The following ARB2A variants were observed in gnomAD, a reference collection of about 807,000 sequenced individuals.
ARB2A encodes the protein ARB2 cotranscriptional regulator A.
At chr5:93,793,055 G>A in the ARB2A span, among the ~76,000 whole-genome samples, 1 of 151,460 alleles carries the variant, frequency 6.6e-6, no homozygotes, top group African/African-American at 2.4e-5. Flanking sequence ...CATAATTAGT[G>A]GTGGCATAGC....
the ARB2A span, among the ~76,000 whole-genome samples, chr5:93,949,677 A>C: frequency 6.6e-6 from 1 of 152,006 alleles, no homozygotes; most frequent in African/African-American, 2.4e-5. Flanking sequence ...GTTCTTTTTA[A>C]ATGTACAATC....
At chr5:93,648,375 T>C in the ARB2A span, among the ~76,000 whole-genome samples, 2 of 152,128 alleles carry the variant, frequency 1.3e-5, no homozygotes. Context: ...TTTACATATC[T>C]ACCACTGAAT....
chr5:93,787,161 T>G, the ARB2A span, among the ~76,000 whole-genome samples: 1 of 152,178 alleles, frequency 6.6e-6, no homozygotes, highest in Non-Finnish European at 1.5e-5. Context: ...CTCAAAGGAA[T>G]CTTAGTCTGT....
the ARB2A span, among the ~76,000 whole-genome samples, chr5:93,773,697 C>T: frequency 6.6e-6 from 1 of 152,210 alleles, no homozygotes; most frequent in South Asian, 2.1e-4. Context: ...GCCATTTTTC[C>T]AACAGCATGT....
chr5:94,019,527 A>G, the ARB2A span, among the ~76,000 whole-genome samples: 1 of 152,242 alleles, frequency 6.6e-6, no homozygotes, highest in African/African-American at 2.4e-5. Context: ...GCCAACAAAC[A>G]TATGGAAAAA....
At chr5:93,797,833 A>G in the ARB2A span, among the ~76,000 whole-genome samples, 2 of 152,100 alleles carry the variant, frequency 1.3e-5, no homozygotes, top group Admixed American at 1.3e-4. Flanking sequence ...TTTTCAGAAA[A>G]ATTTTACTGA....
At chr5:93,943,061 G>A in the ARB2A span, among the ~76,000 whole-genome samples, 300 of 152,138 alleles carry the variant, frequency 2.0e-3, 1 homozygote, top group African/African-American at 7.0e-3. Context: ...AGAATGTTTT[G>A]TGTTATTATA....
At chr5:93,724,953 T>C in the ARB2A span, among the ~76,000 whole-genome samples, 1 of 152,004 alleles carries the variant, frequency 6.6e-6, no homozygotes, top group African/African-American at 2.4e-5. Flanking sequence ...GAGACAGCTA[T>C]TAAGTGACTA....
chr5:93,832,433 T>C, the ARB2A span, among the ~76,000 whole-genome samples: 2 of 152,170 alleles, frequency 1.3e-5, no homozygotes, highest in Non-Finnish European at 2.9e-5. Flanking sequence ...TGATGGAGTT[T>C]ACTAATTAGG....
the ARB2A span, among the ~76,000 whole-genome samples, chr5:94,057,600 A>T: frequency 1.3e-5 from 2 of 152,246 alleles, no homozygotes; most frequent in Non-Finnish European, 2.9e-5. Context: ...TTATTTTTAA[A>T]AACTGTATTA....
At chr5:93,884,002 C>T in the ARB2A span, among the ~76,000 whole-genome samples, 2 of 148,290 alleles carry the variant, frequency 1.3e-5, no homozygotes, top group African/African-American at 5.0e-5. Flanking sequence ...ATTAGCAAGA[C>T]CAAAATAGAA....
At chr5:93,816,313 A>C in the ARB2A span, among the ~76,000 whole-genome samples, 6 of 152,208 alleles carry the variant, frequency 3.9e-5, no homozygotes, top group Non-Finnish European at 8.8e-5. Flanking sequence ...TCCTTCTTAT[A>C]AAAGGCTTAC....
chr5:94,072,749 T>C, the ARB2A span, among the ~76,000 whole-genome samples: 2 of 152,162 alleles, frequency 1.3e-5, no homozygotes, highest in African/African-American at 4.8e-5. Context: ...AGTAATATTT[T>C]TAAGAAATGC....
chr5:93,744,428 C>T, the ARB2A span, among the ~76,000 whole-genome samples: 1,519 of 57,414 alleles, frequency 0.026, 17 homozygotes, highest in East Asian at 0.072. Context: ...GAGTGAGACT[C>T]AGTCTCAAAA....
the ARB2A span, among the ~76,000 whole-genome samples, chr5:93,790,350 G>C: frequency 1.8e-4 from 27 of 152,112 alleles, no homozygotes; most frequent in Admixed American, 3.3e-4. Flanking sequence ...CTCATACAGA[G>C]GAAGCTAATA....
chr5:93,775,675 G>A, the ARB2A span, among the ~76,000 whole-genome samples: 1 of 152,154 alleles, frequency 6.6e-6, no homozygotes, highest in East Asian at 1.9e-4. Context: ...CCTTTGCACA[G>A]GATGCCATCT....
the ARB2A span, among the ~76,000 whole-genome samples, chr5:93,765,390 A>C: frequency 1.3e-5 from 2 of 152,208 alleles, no homozygotes; most frequent in African/African-American, 4.8e-5. Flanking sequence ...AAACATTCTT[A>C]TACACCAATA....
the ARB2A span, among the ~76,000 whole-genome samples, chr5:93,791,284 T>C: frequency 6.6e-6 from 1 of 152,222 alleles, no homozygotes; most frequent in African/African-American, 2.4e-5. Flanking sequence ...AGAGTCTCCT[T>C]TCCCTGTTAC....
chr5:93,804,937 T>C, the ARB2A span: 1 of 979,910 alleles, frequency 1.0e-6, no homozygotes, highest in African/African-American at 1.8e-5. Flanking sequence ...AATAATATCA[T>C]ACAGAGTGGC....
Sources: allele counts gnomAD v4.1 joint callset (sites outside exome capture counted in the v4.1 genomes callset), GRCh38; gene constraint gnomAD v4.1.1; transcripts MANE v1.5; gene names NCBI Gene and HGNC (gene_info 2026-07-23, HGNC 2026-07-21).